ERI1: variants seen among roughly 807,000 people sequenced by gnomAD.
ERI1 encodes the protein exoribonuclease 1.
A neutral mutation model predicts 39.7 loss-of-function variants in ERI1; 39 were observed. That is an observed-to-expected ratio of 0.98 (90% CI 0.76 to 1.28). The LOEUF is 1.28. Among genes scored for constraint, ERI1 ranks in the 50% most tolerant of loss-of-function variants. The pLI is 0.00. For synonymous variants in ERI1, 204 were observed against 149.6 expected, an observed-to-expected ratio of 1.36 and a Z score of -2.65; for missense variants, 581 against 416.9, an observed-to-expected ratio of 1.39 and a Z score of -3.43.
At chr8:9,060,995 A>G (rs964185249) in intron 3 of ERI1, among the ~76,000 whole-genome samples, 1 of 152,218 alleles carries the variant, frequency 6.6e-6, no homozygotes, top group Admixed American at 6.5e-5. Context: ...TATGAAAGGC[A>G]TATTTAGAGT....
At chr8:9,092,006 G>C (rs1341033919) in intron 3 of ERI1, among the ~76,000 whole-genome samples, 1 of 152,180 alleles carries the variant, frequency 6.6e-6, no homozygotes, top group African/African-American at 2.4e-5. Flanking sequence ...ACCCAGGCTG[G>C]AGTGCAGTGG....
chr8:9,076,895 T>C (rs1799227276), intron 3 of ERI1, among the ~76,000 whole-genome samples: 1 of 152,126 alleles, frequency 6.6e-6, no homozygotes, highest in Non-Finnish European at 1.5e-5. Flanking sequence ...GCAGAGTTGA[T>C]GATTTAGAAG....
chr8:9,009,573 C>T (rs1029088481), intron 2 of ERI1, among the ~76,000 whole-genome samples: 1 of 152,074 alleles, frequency 6.6e-6, no homozygotes, highest in African/African-American at 2.4e-5. Context: ...CAGAGTCTTG[C>T]TCTGTCGCCA....
chr8:9,024,317 T>G (rs1033584394), intron 6 of ERI1, among the ~76,000 whole-genome samples: 5 of 152,252 alleles, frequency 3.3e-5, no homozygotes, highest in African/African-American at 9.6e-5. Flanking sequence ...AATCCCAAAC[T>G]TTCTTTGTGC....
In ERI1 at chr8:9,031,921, C is replaced by T. The variant is rs1797617600; in HGVS notation, c.*1887C>T. ...TACAGGCGCGTGCCACCACACCCGC[C>T]TAATTTTTGTATTTTTGGTAGAGGC... On this transcript the variant is annotated 3_prime_UTR_variant, in exon 7 of 7. Transcript: ENST00000250263. The T allele has an allele frequency of 6.6e-6, 1 of 152,240 alleles. No individual in the cohort carries two copies. Among genetic ancestry groups the T allele is most frequent in the African/African-American group, 2.4e-5 (1 of 41,432 alleles). 9.4% of individuals were successfully genotyped at this position (152,240 alleles called of 1,614,324 possible).
intron 3 of ERI1, among the ~76,000 whole-genome samples, chr8:9,051,906 G>A (rs1460388538): frequency 2.6e-5 from 4 of 152,136 alleles, no homozygotes; most frequent in African/African-American, 7.2e-5. Flanking sequence ...GAGTCGTTTT[G>A]TAGCCATCCT....
intron 3 of ERI1, among the ~76,000 whole-genome samples, chr8:9,084,955 G>A (rs1037517776): frequency 3.9e-5 from 6 of 152,074 alleles, no homozygotes; most frequent in African/African-American, 9.7e-5. Flanking sequence ...TATAGCAGTC[G>A]TTTCCAAAAT....
chr8:9,072,143 G>C (rs1282352435), intron 3 of ERI1, among the ~76,000 whole-genome samples: 3 of 152,124 alleles, frequency 2.0e-5, no homozygotes, highest in African/African-American at 7.2e-5. Flanking sequence ...CCATGATTTA[G>C]TTTTCCTGTA....
At chr8:9,017,276 G>C (rs6986044) in intron 4 of ERI1, among the ~76,000 whole-genome samples, 70,850 of 151,644 alleles carry the variant, frequency 0.47, 18,173 homozygotes, top group African/African-American at 0.64. Context: ...AACTCCTGAC[G>C]TCAAGCCCTC....
chr8:9,047,963 T>C (rs1256430496), intron 3 of ERI1, among the ~76,000 whole-genome samples: 3 of 152,234 alleles, frequency 2.0e-5, no homozygotes, highest in African/African-American at 7.2e-5. Flanking sequence ...TCTGTTATTA[T>C]GTCCATAGCA....
intron 3 of ERI1, among the ~76,000 whole-genome samples, chr8:9,047,105 A>G (rs1585258202): frequency 6.6e-6 from 1 of 152,146 alleles, no homozygotes; most frequent in African/African-American, 2.4e-5. Flanking sequence ...CAGAAGGAGC[A>G]CTCCTTGCCA....
At chr8:9,006,343 G>C (rs1816019043) in intron 1 of ERI1, among the ~76,000 whole-genome samples, 1 of 152,160 alleles carries the variant, frequency 6.6e-6, no homozygotes, top group Non-Finnish European at 1.5e-5. Flanking sequence ...ATAATTTATA[G>C]CATCTATAGA....
In ERI1 at chr8:9,032,718, G is replaced by C. The variant is rs1585242952; in HGVS notation, c.*2684G>C. 1 of 152,182 alleles carries C rather than the reference G, an allele frequency of 6.6e-6. No homozygotes were observed. Among genetic ancestry groups the C allele is most frequent in the Non-Finnish European group, 1.5e-5 (1 of 68,030 alleles). The allele number at this position is 152,182 out of a possible 1,614,324, so 9.4% of individuals were successfully genotyped here. A position where few individuals can be genotyped will look rare whatever the true frequency, so the allele number is the denominator to read the frequency against. On this transcript the variant is annotated 3_prime_UTR_variant, in exon 7 of 7. Transcript: ENST00000250263. ...CAAGTATTATCCCCAAAATGATAATGCAAAACAGAATAATTTGGAGACCAG... is the reference window on the plus strand; with the variant it reads ...CAAGTATTATCCCCAAAATGATAATCCAAAACAGAATAATTTGGAGACCAG...
chr8:9,054,059 A>T (rs886457575), intron 3 of ERI1, among the ~76,000 whole-genome samples: 1 of 152,210 alleles, frequency 6.6e-6, no homozygotes, highest in Non-Finnish European at 1.5e-5. Flanking sequence ...CCACATTCAC[A>T]TATGAAGTTG....
chr8:9,020,334 C>A lies in ERI1; in HGVS notation c.693-16C>A. On this transcript the variant is annotated splice_polypyrimidine_tract_variant and intron_variant, in intron 5 of 6. Transcript: ENST00000250263. ...GCGTTTATTTCATCAATTTTTTGTCCTTTTTTAATTTATAGTTCTTGGGAT... is the reference window on the plus strand; with the variant it reads ...GCGTTTATTTCATCAATTTTTTGTCATTTTTTAATTTATAGTTCTTGGGAT... The A allele has an allele frequency of 2.7e-6, 4 of 1,468,852 alleles. No homozygotes were observed. The highest frequency in any genetic ancestry group is 3.7e-6 in the Non-Finnish European group (4 of 1,090,818). The allele number at this position is 1,468,852 out of a possible 1,614,324, so 91.0% of individuals were successfully genotyped here.
intron 3 of ERI1, among the ~76,000 whole-genome samples, chr8:9,075,745 G>A (rs563110692): frequency 1.7e-4 from 26 of 152,200 alleles, no homozygotes; most frequent in African/African-American, 6.0e-4. Flanking sequence ...TGATCACCCA[G>A]AGGTTAACTA....
intron 3 of ERI1, among the ~76,000 whole-genome samples, chr8:9,048,986 G>T (rs1798266929): frequency 6.6e-6 from 1 of 152,004 alleles, no homozygotes; most frequent in Non-Finnish European, 1.5e-5. Flanking sequence ...GATCAAGATA[G>T]GTGGAGGTGA....
intron 3 of ERI1, among the ~76,000 whole-genome samples, chr8:9,089,506 C>A (rs1365212571): frequency 6.6e-6 from 1 of 152,186 alleles, no homozygotes; most frequent in Non-Finnish European, 1.5e-5. Context: ...ACTGGTGGTT[C>A]ACTGTGGTCC....
At chr8:9,081,026 G>A (rs1799350580) in intron 3 of ERI1, among the ~76,000 whole-genome samples, 1 of 152,208 alleles carries the variant, frequency 6.6e-6, no homozygotes, top group Non-Finnish European at 1.5e-5. Context: ...GGCTGGGGAG[G>A]CCTCAGGAAA....
Sources: allele counts gnomAD v4.1 joint callset (sites outside exome capture counted in the v4.1 genomes callset), GRCh38; gene constraint gnomAD v4.1.1; transcripts MANE v1.5; gene names NCBI Gene and HGNC (gene_info 2026-07-23, HGNC 2026-07-21).